The following PSTPIP1 variants were observed in gnomAD, a reference collection of about 807,000 sequenced individuals.
The protein encoded by PSTPIP1 is proline-serine-threonine phosphatase interacting protein 1.
A neutral mutation model predicts 69.6 loss-of-function variants in PSTPIP1; 66 were observed. The observed-to-expected ratio is 0.95, with a 90% CI of 0.78 to 1.16. PSTPIP1 has a LOEUF of 1.16. Among genes scored for constraint, PSTPIP1 ranks in the 50% most tolerant of loss-of-function variants. PSTPIP1 has a pLI of 0.00. For missense variants in PSTPIP1, 603 were observed against 557.4 expected, an observed-to-expected ratio of 1.08 and a Z score of -0.82; for synonymous variants, 266 against 222.7, an observed-to-expected ratio of 1.19 and a Z score of -1.73.
chr15:77,033,946 C>T (rs2076487170), intron 12 of PSTPIP1, among the ~76,000 whole-genome samples: 2 of 152,226 alleles, frequency 1.3e-5, no homozygotes, highest in South Asian at 4.1e-4. Context: ...GACCTGGATC[C>T]CAGCAAAGGT....
upstream of PSTPIP1, chr15:76,995,112 G>A (rs1172904380): frequency 1.6e-5 from 19 of 1,176,300 alleles, no homozygotes; most frequent in East Asian, 1.2e-4. Context: ...TGCCTGCCCC[G>A]GGGGAGGTTG....
chr15:77,033,062 G>A, intron 12 of PSTPIP1, 110 bp downstream of exon 12: 6 of 1,106,456 alleles, frequency 5.4e-6, no homozygotes, highest in Non-Finnish European at 7.9e-6. Flanking sequence ...CTATGTGTCT[G>A]TATCTGGTGC....
At chr15:77,033,349 G>C (rs141616584) in intron 12 of PSTPIP1, among the ~76,000 whole-genome samples, 2 of 152,116 alleles carry the variant, frequency 1.3e-5, no homozygotes, top group Admixed American at 6.5e-5. Flanking sequence ...CTCCTTCCCC[G>C]GCCTGGCTGC....
At chr15:77,011,586 AG>A (rs2075935482) in intron 1 of PSTPIP1, among the ~76,000 whole-genome samples, 1 of 152,226 alleles carries the variant, frequency 6.6e-6, no homozygotes, top group Non-Finnish European at 1.5e-5. Context: ...AAAAACTAAA[AG>A]TCTGTCTTTG....
chr15:77,026,050 C>CA (rs1461376710), intron 5 of PSTPIP1: 2 of 456,888 alleles, frequency 4.4e-6, no homozygotes, highest in Non-Finnish European at 8.8e-6. Flanking sequence ...GGGTCAGACA[C>CA]AGACTGGGGT....
intron 1 of PSTPIP1, among the ~76,000 whole-genome samples, chr15:76,997,277 G>A (rs1418451410): frequency 6.6e-6 from 1 of 152,216 alleles, no homozygotes; most frequent in Non-Finnish European, 1.5e-5. Flanking sequence ...CGGGCATATA[G>A]TTTCCCTAGG....
rs553472557 is a variant in PSTPIP1 at position 77,027,690 on chromosome 15, C to T, written c.355-162C>T. ...CTCTGTGGCCTTCCATTGTGAGGGT[C>T]ACTGTGAAGCAGCAGGCTCTGGGGG... On this transcript the variant is annotated intron_variant, in intron 5 of 14. Coordinates refer to ENST00000558012, the MANE Select transcript of PSTPIP1 (RefSeq NM_003978.5). This position sits in a 1 kb window ranked among gnomAD's most constrained non-coding sequence, Gnocchi z 4.3. 5 of 775,098 alleles carry T rather than the reference C, an allele frequency of 6.5e-6. No individual in the cohort carries two copies. Among genetic ancestry groups the T allele is most frequent in the Middle Eastern group, 2.3e-4 (1 of 4,420 alleles). 48.0% of individuals were successfully genotyped at this position (775,098 alleles called of 1,614,324 possible).
At chr15:77,034,350 G>GT (rs1239674201) in intron 12 of PSTPIP1, among the ~76,000 whole-genome samples, 2 of 152,108 alleles carry the variant, frequency 1.3e-5, no homozygotes, top group African/African-American at 4.8e-5. Flanking sequence ...GCCTGTGTTG[G>GT]TGTCAGGCCC....
chr15:76,999,388 C>T (rs559452754), intron 1 of PSTPIP1: 2 of 152,136 alleles, frequency 1.3e-5, no homozygotes, highest in East Asian at 3.9e-4. Flanking sequence ...AGGTGATTCT[C>T]CTGTCTCAGC....
At chr15:77,019,082 G>A (rs2076111682) in intron 3 of PSTPIP1, among the ~76,000 whole-genome samples, 1 of 152,238 alleles carries the variant, frequency 6.6e-6, no homozygotes, top group African/African-American at 2.4e-5. Context: ...CATGGGCTTA[G>A]CTGAGGCCTG....
chr15:77,025,427 C>A, intron 4 of PSTPIP1, 71 bp from the exon 5 acceptor site: 1 of 1,582,284 alleles, frequency 6.3e-7, no homozygotes. Flanking sequence ...CTGGCCCACA[C>A]GGGTGAGTTG....
chr15:77,028,728 A>G, intron 7 of PSTPIP1, 76 bp downstream of exon 7: 7 of 1,242,452 alleles, frequency 5.6e-6, no homozygotes, highest in Admixed American at 2.5e-5. Context: ...GGTGCCGTAG[A>G]CACCCCCAGG....
intron 3 of PSTPIP1, among the ~76,000 whole-genome samples, chr15:77,021,388 T>C (rs1339360561): frequency 1.3e-5 from 2 of 152,214 alleles, no homozygotes; most frequent in Non-Finnish European, 2.9e-5. Flanking sequence ...GCGCTTTCAG[T>C]GCATTTTAAA....
At chr15:77,013,918 G>A (rs78540067) in intron 1 of PSTPIP1, among the ~76,000 whole-genome samples, 1 of 152,212 alleles carries the variant, frequency 6.6e-6, no homozygotes, top group African/African-American at 2.4e-5. Flanking sequence ...GGTGGAGGAA[G>A]GTGTGTAGGG....
chr15:77,028,739 C>T (rs560584334), intron 7 of PSTPIP1, 87 bp downstream of exon 7: 6 of 1,125,296 alleles, frequency 5.3e-6, no homozygotes, highest in Non-Finnish European at 7.4e-6. Context: ...CACCCCCAGG[C>T]AAGATCTGCA....
Position 77,033,719 on chromosome 15 carries a change from G to A in PSTPIP1, c.929+767G>A, listed in dbSNP as rs987726597. 5.9e-5 allele frequency among the ~76,000 whole-genome samples: 9 copies of A among 152,056 alleles called. 1 individual carries two copies. The highest frequency in any genetic ancestry group is 2.2e-4 in the African/African-American group (9 of 41,404). On this transcript the variant is annotated intron_variant, in intron 12 of 14. Coordinates refer to ENST00000558012, the MANE Select transcript of PSTPIP1 (RefSeq NM_003978.5). ...GTGGGGAGAGGCTGATGCAGTTCCC[G>A]GCCCTTCCCAAGGACCAGCTCATTC...
At chr15:77,029,443 A>G (rs1596117027) in intron 7 of PSTPIP1, 86 bp from the exon 8 acceptor site, 4 of 1,488,090 alleles carry the variant, frequency 2.7e-6, no homozygotes, top group Non-Finnish European at 3.7e-6. Flanking sequence ...GTGGCCGGGG[A>G]AGCTTGACAG....
intron 3 of PSTPIP1, 139 bp downstream of exon 3, chr15:77,018,670 T>C: frequency 1.1e-6 from 1 of 910,232 alleles, no homozygotes. Context: ...TGGTGCCTGG[T>C]TATTGGGCAT....
At chr15:77,016,375 G>C (rs2076052924) in intron 1 of PSTPIP1, among the ~76,000 whole-genome samples, 1 of 152,020 alleles carries the variant, frequency 6.6e-6, no homozygotes, top group South Asian at 2.1e-4. Context: ...CTGGAGTGAG[G>C]GCAGAGGCTG....
Sources: gnomAD v4.1 joint callset for allele counts (sites outside exome capture counted in the v4.1 genomes callset) on GRCh38, gnomAD v4.1.1 for gene constraint, Gnocchi (gnomAD v3.1) non-coding constraint, MANE v1.5 for transcripts, NCBI Gene and HGNC (gene_info 2026-07-23, HGNC 2026-07-21) for gene names.